ORC2: variants seen among roughly 807,000 people sequenced by gnomAD.
ORC2 encodes origin recognition complex protein 2 homolog.
ORC2 carries 37 observed loss-of-function variants against 77.7 expected under a neutral mutation model. The ratio of observed to expected loss-of-function variants is 0.48; its 90% confidence interval spans 0.37 to 0.63. The LOEUF is 0.63. Among genes scored for constraint, ORC2 ranks in the 20% least tolerant of loss-of-function variants. The pLI is 0.00. For synonymous variants in ORC2, 201 were observed against 229.5 expected, an observed-to-expected ratio of 0.88 and a Z score of 1.12; for missense variants, 557 against 661.9, an observed-to-expected ratio of 0.84 and a Z score of 1.74.
At chr2:200,917,873 TA>T (rs1273831347) in intron 15 of ORC2, among the ~76,000 whole-genome samples, 1 of 149,186 alleles carries the variant, frequency 6.7e-6, no homozygotes, top group Non-Finnish European at 1.5e-5. Context: ...AAAAGAAAAA[TA>T]AATGGAAAAT....
intron 4 of ORC2, among the ~76,000 whole-genome samples, chr2:200,949,972 T>C (rs777553628): frequency 3.9e-5 from 6 of 152,206 alleles, no homozygotes; most frequent in Non-Finnish European, 8.8e-5. Flanking sequence ...TTGGTTATAT[T>C]TATTTTCTGA....
chr2:200,946,612 T>G (rs879903847), intron 5 of ORC2, among the ~76,000 whole-genome samples: 12 of 152,216 alleles, frequency 7.9e-5, no homozygotes, highest in Non-Finnish European at 1.5e-4. Flanking sequence ...GAGGATAATA[T>G]TCCAGTTTTA....
chr2:200,956,172 T>A (rs1261965049), intron 4 of ORC2, among the ~76,000 whole-genome samples: 3 of 152,154 alleles, frequency 2.0e-5, no homozygotes, highest in Admixed American at 6.5e-5. Flanking sequence ...GCTCAAGCAA[T>A]CCTCTGCGTT....
rs762687264 is a variant in ORC2 at position 200,942,703 on chromosome 2, C to T, written c.403G>A (p.Val135Ile). ...GTCTTACCCTTGCTACTTTGAGGAA[C>T]GTTTATCGTAATCTCAGGATCATTC... Reference protein sequence around the residue: ...LKNDPEITINVPQSSKGHSAS... With the variant: ...LKNDPEITINIPQSSKGHSAS... Residue 135 changes from valine (V) to isoleucine (I), a missense_variant, in exon 6 of 18, where the codon GTT becomes ATT. Physicochemically the swap from Val to Ile is conservative, Grantham distance 29. Coordinates refer to ENST00000234296, the MANE Select transcript of ORC2 (RefSeq NM_006190.5). The T allele has an allele frequency of 2.5e-6, 4 of 1,603,430 alleles. No individual in the cohort carries two copies. Among genetic ancestry groups the T allele is most frequent in the Admixed American group, 1.7e-5 (1 of 59,280 alleles).
At position 200,941,290 on chromosome 2, in the gene ORC2, A is replaced by G. The variant is rs2041147132; in HGVS notation, c.422-11T>C. 2 of 1,607,440 alleles carry G rather than the reference A, an allele frequency of 1.2e-6. No homozygotes were observed. Among genetic ancestry groups the G allele is most frequent in the Non-Finnish European group, 1.7e-6 (2 of 1,175,334 alleles). On this transcript the variant is annotated splice_polypyrimidine_tract_variant and intron_variant, in intron 6 of 17. Coordinates refer to ENST00000234296, the MANE Select transcript of ORC2 (RefSeq NM_006190.5). ...CTGAAGCAGAATGGCCTAAAGAATG[A>G]AACAAAAAGCCATGACTTACTACGG...
chr2:200,929,616 C>G (rs2040903195), intron 11 of ORC2, among the ~76,000 whole-genome samples: 1 of 151,802 alleles, frequency 6.6e-6, no homozygotes, highest in Admixed American at 6.6e-5. Flanking sequence ...ATGGTGAGAC[C>G]TCATCTCTAC....
intron 10 of ORC2, among the ~76,000 whole-genome samples, chr2:200,933,473 A>G: frequency 6.6e-6 from 1 of 152,230 alleles, no homozygotes; most frequent in Non-Finnish European, 1.5e-5. Flanking sequence ...TCAAGGAACT[A>G]TGACCCTGAT....
chr2:200,949,732 C>A (rs2041317075), intron 4 of ORC2, 89 bp from the exon 5 acceptor site: 2 of 638,746 alleles, frequency 3.1e-6, no homozygotes, highest in South Asian at 1.9e-5. Flanking sequence ...GATTTGTACC[C>A]CTCATAGCCT....
chr2:200,913,252 C>G (rs762996489), intron 17 of ORC2, 43 bp downstream of exon 17: 2 of 1,406,516 alleles, frequency 1.4e-6, no homozygotes, highest in Non-Finnish European at 2.0e-6. Flanking sequence ...GTAAATGATA[C>G]GGACTATTCC....
chr2:200,941,780 A>G (rs1289160445), intron 6 of ORC2, among the ~76,000 whole-genome samples: 3 of 152,228 alleles, frequency 2.0e-5, no homozygotes, highest in Non-Finnish European at 2.9e-5. Flanking sequence ...TGAGGTCAGG[A>G]GTTAGAAAAC....
intron 15 of ORC2, among the ~76,000 whole-genome samples, chr2:200,914,956 T>C (rs2040616195): frequency 6.8e-6 from 1 of 146,838 alleles, no homozygotes; most frequent in Admixed American, 6.7e-5. Flanking sequence ...ATATACTGCA[T>C]ATACCACTTT....
At chr2:200,963,149 G>A (rs544270838) in intron 1 of ORC2, 86 of 286,992 alleles carry the variant, frequency 3.0e-4, no homozygotes, top group African/African-American at 1.7e-3. Context: ...AGTATCAGGC[G>A]TCCCTTGCAC....
At chr2:200,945,396 A>G (rs1189634339) in intron 5 of ORC2, among the ~76,000 whole-genome samples, 1 of 152,094 alleles carries the variant, frequency 6.6e-6, no homozygotes, top group Non-Finnish European at 1.5e-5. Flanking sequence ...TCTCTACAAA[A>G]GAATAGAAAA....
Position 200,913,955 on chromosome 2 carries a change from T to G in ORC2, c.1504A>C (p.Asn502His), listed in dbSNP as rs567158157. The stretch of plus-strand genomic sequence containing the variant: ...CCAATGTAAGAAGGGTTATCCTGGT[T>G]GTCCAGCTGGTATTTTATTAGTAGC... Reference protein sequence around the residue: ...FRLLIKYQLDNQDNPSYIGLS... With the variant: ...FRLLIKYQLDHQDNPSYIGLS... The change falls in exon 16 of 18, where the codon AAC becomes CAC. Residue 502 changes from asparagine to histidine, a missense_variant. By Grantham distance (68) the Asn-to-His change is moderately conservative. Transcript: ENST00000234296. 24 of 1,589,690 alleles carry G rather than the reference T, an allele frequency of 1.5e-5. No homozygotes were observed. In the South Asian group the frequency reaches 2.8e-4, roughly 19 times the overall value.
chr2:200,915,201 CG>C lies in ORC2; in HGVS notation c.1467-1210del, dbSNP rs1276291976. Among the ~76,000 whole-genome samples the C allele has an allele frequency of 4.0e-5, 6 of 151,702 alleles. No individual in the cohort carries two copies. In the East Asian group the frequency reaches 9.7e-4, roughly 24 times the overall value. On this transcript the variant is annotated intron_variant, in intron 15 of 17. Transcript: ENST00000234296. ...GCTAATTTTGTATTTTTAGTAGAGA[CG>C]GGGTTTCGCCATGTTGGTCAGGCTG...
At chr2:200,959,970 ACTCTGT>A (rs1408031554) in intron 1 of ORC2, among the ~76,000 whole-genome samples, 3 of 150,448 alleles carry the variant, frequency 2.0e-5, no homozygotes, top group Admixed American at 6.6e-5. Context: ...ACAGAGTGAG[ACTCTGT>A]CTCTAATTTT....
intron 7 of ORC2, 58 bp from the exon 8 acceptor site, chr2:200,938,024 G>C (rs751191921): frequency 8.8e-6 from 11 of 1,244,952 alleles, no homozygotes; most frequent in African/African-American, 1.5e-5. Flanking sequence ...ACTGATCTGA[G>C]TGAAAGAGGC....
At chr2:200,920,630 C>A (rs764249373) in intron 14 of ORC2, among the ~76,000 whole-genome samples, 28 of 152,128 alleles carry the variant, frequency 1.8e-4, no homozygotes, top group Non-Finnish European at 4.4e-5. Flanking sequence ...CCAATGCATT[C>A]TTTTTAAAAA....
chr2:200,922,738 TAC>T (rs933384089), intron 13 of ORC2, among the ~76,000 whole-genome samples: 6 of 152,268 alleles, frequency 3.9e-5, no homozygotes, highest in Non-Finnish European at 8.8e-5. Context: ...AACGTATGTA[TAC>T]ACACAGACGC....
Sources: allele counts gnomAD v4.1 joint callset (sites outside exome capture counted in the v4.1 genomes callset), GRCh38; gene constraint gnomAD v4.1.1; transcripts MANE v1.5; gene names NCBI Gene and HGNC (gene_info 2026-07-23, HGNC 2026-07-21).